The following SASH1 variants were observed in gnomAD, a reference collection of about 807,000 sequenced individuals.
The protein encoded by SASH1 is SAM and SH3 domain-containing protein 1.
SASH1 carries 44 observed loss-of-function variants against 125.2 expected under a neutral mutation model. The ratio of observed to expected loss-of-function variants is 0.35; its 90% CI spans 0.28 to 0.45. The LOEUF is 0.45. Among genes scored for constraint, SASH1 ranks in the 20% least tolerant of loss-of-function variants. SASH1 has a pLI of 1.00. For synonymous variants in SASH1, 639 were observed against 649.1 expected, an observed-to-expected ratio of 0.98 and a Z score of 0.24; for missense variants, 1,426 against 1,614.5, an observed-to-expected ratio of 0.88 and a Z score of 2.00.
intron 1 of SASH1, among the ~76,000 whole-genome samples, chr6:148,383,195 G>A (rs1583057651): frequency 6.6e-6 from 1 of 152,156 alleles, no homozygotes; most frequent in African/African-American, 2.4e-5. Context: ...CACCTGAAAG[G>A]TTGCTAAAAG....
chr6:148,313,487 C>G (rs1243407621), intron 1 of SASH1, among the ~76,000 whole-genome samples: 1 of 152,262 alleles, frequency 6.6e-6, no homozygotes, highest in East Asian at 1.9e-4. Flanking sequence ...TGCTGCAAAA[C>G]TATTCAAAAA....
intron 1 of SASH1, among the ~76,000 whole-genome samples, chr6:148,312,149 G>A (rs1446177639): frequency 2.0e-5 from 3 of 152,174 alleles, no homozygotes; most frequent in Non-Finnish European, 4.4e-5. Flanking sequence ...CGGGGGACGA[G>A]TTGACTGTTA....
intron 1 of SASH1, among the ~76,000 whole-genome samples, chr6:148,356,877 C>T (rs1028097990): frequency 3.3e-5 from 5 of 152,186 alleles, no homozygotes; most frequent in African/African-American, 1.2e-4. Context: ...TGATTATGGC[C>T]ATTCTTGCAG....
At chr6:148,343,755 A>ATTT (rs1781423911) in intron 1 of SASH1, among the ~76,000 whole-genome samples, 3 of 152,220 alleles carry the variant, frequency 2.0e-5, no homozygotes, top group African/African-American at 7.2e-5. Flanking sequence ...TATTTTGCTA[A>ATTT]ATCTGTGCTG....
the SASH1 span, among the ~76,000 whole-genome samples, chr6:148,202,358 A>C: frequency 1.3e-5 from 2 of 152,136 alleles, no homozygotes; most frequent in South Asian, 4.1e-4. Flanking sequence ...GAGCTGACCC[A>C]CAGGGCCCAC....
the SASH1 span, among the ~76,000 whole-genome samples, chr6:148,205,838 C>T: frequency 6.6e-6 from 1 of 152,188 alleles, no homozygotes; most frequent in Non-Finnish European, 1.5e-5. Context: ...TGGAGCATTG[C>T]TCTCTGATTG....
chr6:148,326,359 C>CATATATATTT (rs1780818666), intron 1 of SASH1, among the ~76,000 whole-genome samples: 1 of 14,604 alleles, frequency 6.8e-5, no homozygotes, highest in Non-Finnish European at 1.3e-4. Context: ...TATATATATG[C>CATATATATTT]ATATATATAT....
chr6:148,218,024 A>T, the SASH1 span, among the ~76,000 whole-genome samples: 7,014 of 151,374 alleles, frequency 0.046, 211 homozygotes, highest in East Asian at 0.062. Context: ...CAAAAAAAAA[A>T]AAATAAATAA....
At chr6:148,293,656 C>A (rs1779692734) in intron 1 of SASH1, among the ~76,000 whole-genome samples, 1 of 152,126 alleles carries the variant, frequency 6.6e-6, no homozygotes, top group African/African-American at 2.4e-5. Flanking sequence ...CCACTGATGC[C>A]AGGATCTAAA....
chr6:148,392,074 C>T (rs149614525), intron 2 of SASH1, among the ~76,000 whole-genome samples: 4,182 of 152,200 alleles, frequency 0.027, 203 homozygotes, highest in African/African-American at 0.096. Context: ...CACTTGAGGT[C>T]GGGAGTTCGA....
chr6:148,430,877 C>T (rs976867011), intron 2 of SASH1, among the ~76,000 whole-genome samples: 2 of 152,174 alleles, frequency 1.3e-5, no homozygotes, highest in Non-Finnish European at 1.5e-5. Context: ...ATTAGAGGGG[C>T]ATGACACCAC....
At chr6:148,530,813 A>C (rs1305352207) in intron 12 of SASH1, among the ~76,000 whole-genome samples, 1 of 152,216 alleles carries the variant, frequency 6.6e-6, no homozygotes, top group Non-Finnish European at 1.5e-5. Context: ...CTGAGAGGAT[A>C]ATACTTAGCT....
intron 2 of SASH1, among the ~76,000 whole-genome samples, chr6:148,428,493 G>A (rs1562402259): frequency 6.6e-6 from 1 of 152,056 alleles, no homozygotes; most frequent in Non-Finnish European, 1.5e-5. Context: ...GCTAGGTGTG[G>A]TGGTACACAT....
chr6:148,406,014 C>T (rs753096654), intron 2 of SASH1, among the ~76,000 whole-genome samples: 9 of 152,196 alleles, frequency 5.9e-5, no homozygotes, highest in Non-Finnish European at 7.4e-5. Context: ...GAGACATTTT[C>T]TGCAGGCAGA....
chr6:148,534,676 C>T, intron 15 of SASH1, 75 bp from the exon 16 acceptor site: 1 of 1,414,102 alleles, frequency 7.1e-7, no homozygotes. Context: ...GTGTGGGTTG[C>T]AGGCTAGTTG....
intron 1 of SASH1, 92 bp downstream of exon 1, chr6:148,343,315 A>G: frequency 7.9e-7 from 1 of 1,273,012 alleles, no homozygotes; most frequent in Non-Finnish European, 1.1e-6. Context: ...CCCACTGGGC[A>G]ACCCACTCCG....
chr6:148,482,373 C>T lies in SASH1; in HGVS notation c.628-5241C>T, dbSNP rs1778665588. Among the ~76,000 whole-genome samples, 4 of 152,172 alleles carry T rather than the reference C, an allele frequency of 2.6e-5. No homozygotes were observed. The South Asian group carries it at 8.3e-4, about 32-fold the overall frequency. On this transcript the variant is annotated intron_variant, in intron 7 of 19. Coordinates refer to ENST00000367467, the MANE Select transcript of SASH1 (RefSeq NM_015278.5). ...ACTGCTCAAGTCAATGTGATCTAAT[C>T]AATAAGTATTACACATTGATCTGAT...
chr6:148,499,119 A>G (rs2115260910), intron 8 of SASH1, among the ~76,000 whole-genome samples: 1 of 146,032 alleles, frequency 6.8e-6, no homozygotes, highest in Middle Eastern at 3.5e-3. Context: ...GTGCAGTGGC[A>G]CTATCTCGGC....
At chr6:148,531,484 C>G in intron 12 of SASH1, 42 bp from the exon 13 acceptor site, 1 of 1,429,168 alleles carries the variant, frequency 7.0e-7, no homozygotes, top group Non-Finnish European at 9.2e-7. Flanking sequence ...CAACACCTGT[C>G]CACTCTGATG....
Sources: allele counts gnomAD v4.1 joint callset (sites outside exome capture counted in the v4.1 genomes callset), GRCh38; gene constraint gnomAD v4.1.1; transcripts MANE v1.5; gene names NCBI Gene and HGNC (gene_info 2026-07-23, HGNC 2026-07-21).